The following NUMB variants were observed in gnomAD, a reference collection of about 807,000 sequenced individuals.
NUMB encodes the protein NUMB endocytic adaptor protein.
A neutral mutation model predicts 59.7 loss-of-function variants in NUMB; 29 were observed. The observed-to-expected ratio is 0.49, with a 90% confidence interval of 0.36 to 0.66. NUMB has a LOEUF of 0.66. NUMB is among the 30% of genes least tolerant of loss of function. The pLI is 0.00. For synonymous variants in NUMB, 288 were observed against 288.2 expected (o/e 1.00, Z 0.01); for missense variants, 723 against 822.0 (o/e 0.88, Z 1.47).
intron 4 of NUMB, among the ~76,000 whole-genome samples, chr14:73,337,136 T>TA (rs879509965): frequency 9.3e-4 from 136 of 145,922 alleles, no homozygotes; most frequent in South Asian, 3.0e-3. Flanking sequence ...ACTCTGTCTT[T>TA]AAAAAAAAAA....
intron 2 of NUMB, among the ~76,000 whole-genome samples, chr14:73,394,180 C>G (rs958055948): frequency 8.5e-5 from 13 of 152,088 alleles, no homozygotes; most frequent in Non-Finnish European, 1.9e-4. Context: ...GTCTCGAACT[C>G]GTGACCTCAG....
intron 4 of NUMB, among the ~76,000 whole-genome samples, chr14:73,330,442 T>G (rs1891900682): frequency 6.6e-6 from 1 of 152,202 alleles, no homozygotes; most frequent in Non-Finnish European, 1.5e-5. Context: ...TCTCAATTAT[T>G]TGCCAATTAA....
At chr14:73,390,638 C>CTTTTTTTTTTTTTTTTTTTTTTTTTTT (rs55831976) in intron 2 of NUMB, among the ~76,000 whole-genome samples, 1 of 39,384 alleles carries the variant, frequency 2.5e-5, no homozygotes, top group Non-Finnish European at 4.7e-5. Flanking sequence ...AAAACAAAGT[C>CTTTTTTTTTTTTTTTTTTTTTTTTTTT]TTTTTTTTTT....
intron 4 of NUMB, among the ~76,000 whole-genome samples, chr14:73,337,342 A>C (rs899339736): frequency 6.6e-6 from 1 of 151,972 alleles, no homozygotes; most frequent in Non-Finnish European, 1.5e-5. Context: ...TCTCTACTAA[A>C]AATACAAAAT....
At position 73,351,445 on chromosome 14, in the gene NUMB, G is replaced by A. The variant is rs1026115010; in HGVS notation, c.126+4181C>T. Among the ~76,000 whole-genome samples the A allele has an allele frequency of 4.6e-5, 7 of 152,038 alleles. No individual in the cohort carries two copies. In the East Asian group the frequency reaches 9.6e-4, roughly 21 times the overall value. Reference sequence around the variant, plus strand: ...GGGGGTTGCAGTGAGCTGAGATCGCGCCACTGCACTCCAGCCTGGCAACAG... The same window carrying A: ...GGGGGTTGCAGTGAGCTGAGATCGCACCACTGCACTCCAGCCTGGCAACAG... On this transcript the variant is annotated intron_variant, in intron 4 of 12. Coordinates refer to ENST00000555238, the MANE Select transcript of NUMB (RefSeq NM_001005743.2).
chr14:73,395,193 C>G (rs949093740), intron 2 of NUMB, among the ~76,000 whole-genome samples: 5 of 147,938 alleles, frequency 3.4e-5, no homozygotes, highest in Non-Finnish European at 6.1e-5. Context: ...TATAGCTACA[C>G]ATGATGTATA....
intron 4 of NUMB, among the ~76,000 whole-genome samples, chr14:73,334,365 T>C (rs889769411): frequency 3.9e-5 from 6 of 152,186 alleles, no homozygotes; most frequent in African/African-American, 1.4e-4. Flanking sequence ...ATTAAGTTGT[T>C]GTAGCAGGAT....
At chr14:73,408,469 G>A (rs1375401763) in intron 2 of NUMB, among the ~76,000 whole-genome samples, 29 of 150,596 alleles carry the variant, frequency 1.9e-4, no homozygotes, top group Admixed American at 1.7e-3. Context: ...TTGAACTAAC[G>A]TGTTCTTAAA....
intron 2 of NUMB, among the ~76,000 whole-genome samples, chr14:73,389,912 A>G (rs552755261): frequency 6.6e-6 from 1 of 152,310 alleles, no homozygotes; most frequent in South Asian, 2.1e-4. Context: ...CCAAAAGACC[A>G]CCAAAAGTTT....
chr14:73,430,118 T>C (rs1423389531), intron 1 of NUMB, among the ~76,000 whole-genome samples: 1 of 150,918 alleles, frequency 6.6e-6, no homozygotes, highest in Admixed American at 6.6e-5. Flanking sequence ...ATATTTTATA[T>C]GTTTTAAATT....
chr14:73,328,750 T>C (rs1470165211), intron 4 of NUMB, among the ~76,000 whole-genome samples: 1 of 152,232 alleles, frequency 6.6e-6, no homozygotes, highest in Non-Finnish European at 1.5e-5. Context: ...AATTTGTCTA[T>C]TCTTAAAAAA....
At chr14:73,392,292 T>C (rs1329946119) in intron 2 of NUMB, among the ~76,000 whole-genome samples, 1 of 152,234 alleles carries the variant, frequency 6.6e-6, no homozygotes, top group African/African-American at 2.4e-5. Context: ...ATTAATTACT[T>C]GAGCCAATAA....
At chr14:73,406,970 T>C (rs1167836909) in intron 2 of NUMB, among the ~76,000 whole-genome samples, 3 of 152,092 alleles carry the variant, frequency 2.0e-5, no homozygotes, top group East Asian at 3.9e-4. Flanking sequence ...GCCTCCAGAG[T>C]AGCTGGGGTT....
At position 73,373,574 on chromosome 14, in the gene NUMB, G is replaced by C. The variant is rs1190486268; in HGVS notation, c.-100-6593C>G. On this transcript the variant is annotated intron_variant, in intron 2 of 12. Coordinates refer to ENST00000555238, the MANE Select transcript of NUMB (RefSeq NM_001005743.2). ...TAAACATAAGTAAATTATATAGCTA[G>C]TTATAAAACCTTAAAGCTGTAGAAA... is the stretch of plus-strand genomic sequence containing the variant. Among the ~76,000 whole-genome samples the C allele has an allele frequency of 2.0e-5, 3 of 151,984 alleles. No individual in the cohort carries two copies. The East Asian group carries it at 5.8e-4, about 29-fold the overall frequency.
At chr14:73,298,480 T>C (rs900468883) in intron 6 of NUMB, 15 of 152,178 alleles carry the variant, frequency 9.9e-5, no homozygotes, top group Non-Finnish European at 2.9e-5. Context: ...TTTTGGCACA[T>C]GAGAATCACA....
chr14:73,352,732 C>G (rs369994667), intron 4 of NUMB, among the ~76,000 whole-genome samples: 1 of 143,986 alleles, frequency 6.9e-6, no homozygotes, highest in Non-Finnish European at 1.5e-5. Flanking sequence ...TTAGTAGAGA[C>G]GGGGTTTCAC....
At chr14:73,294,711 G>T (rs1256112214) in intron 7 of NUMB, among the ~76,000 whole-genome samples, 1 of 148,274 alleles carries the variant, frequency 6.7e-6, no homozygotes, top group Non-Finnish European at 1.5e-5. Flanking sequence ...GAGAGACAGG[G>T]TTTCAGCATG....
chr14:73,316,403 C>A lies in NUMB; in HGVS notation c.221G>T (p.Gly74Val), dbSNP rs746739948. Reference sequence around the variant, plus strand: ...CATCAAACTTACTTTTCCAAAGAAGCCTTTGAAGAACTTCCTTTCCTGGAG... The same window carrying A: ...CATCAAACTTACTTTTCCAAAGAAGACTTTGAAGAACTTCCTTTCCTGGAG... The part of the protein sequence containing the change: ...RLKAERKFFK[G>V]FFGKTGKKAV... The change falls in exon 6 of 13, where the codon GGC (glycine) becomes GTC (valine). Residue 74 changes from glycine (G) to valine (V), a missense_variant. Physicochemically the swap from Gly to Val is moderately radical, Grantham distance 109. Around this residue, in one of 2 missense-constraint regions of NUMB, gnomAD observed 317 missense variants for 436.6 expected, o/e 0.73. Transcript: ENST00000555238. 1 of 1,613,622 alleles carries A rather than the reference C, an allele frequency of 6.2e-7. No homozygotes were observed. The highest frequency in any genetic ancestry group is 8.5e-7 in the Non-Finnish European group (1 of 1,179,800).
intron 8 of NUMB, among the ~76,000 whole-genome samples, chr14:73,289,581 A>G (rs1267311062): frequency 6.6e-6 from 1 of 152,184 alleles, no homozygotes; most frequent in East Asian, 1.9e-4. Flanking sequence ...TTTGCATGAC[A>G]GTATTAGTTA....
Sources: allele counts gnomAD v4.1 joint callset (sites outside exome capture counted in the v4.1 genomes callset), GRCh38; gene constraint gnomAD v4.1.1; regional missense constraint gnomAD v4.1.1; transcripts MANE v1.5; gene names NCBI Gene and HGNC (gene_info 2026-07-23, HGNC 2026-07-21).